The following DGKI variants were observed in gnomAD, a reference collection of about 807,000 sequenced individuals.
The protein encoded by DGKI is DAG kinase iota.
A neutral mutation model predicts 147.5 loss-of-function variants in DGKI; 55 were observed. The ratio of observed to expected loss-of-function variants is 0.37; its 90% CI spans 0.30 to 0.47. DGKI has a LOEUF of 0.47. Ranked by LOEUF, DGKI falls within the 20% of genes least tolerant of loss-of-function variation. The probability of loss-of-function intolerance (pLI) is 1.00; values close to 1 mark genes in which losing one functional copy is unlikely to be tolerated. For missense variants in DGKI, 1,007 were observed against 1,323.8 expected, an observed-to-expected ratio of 0.76 and a Z score of 3.71; for synonymous variants, 469 against 477.1, an observed-to-expected ratio of 0.98 and a Z score of 0.22.
At chr7:137,615,521 A>ATATG (rs752991647) in intron 8 of DGKI, among the ~76,000 whole-genome samples, 2 of 144,374 alleles carry the variant, frequency 1.4e-5, no homozygotes, top group African/African-American at 2.7e-5. Flanking sequence ...ATATATGTGT[A>ATATG]TATGTATGTA....
Position 137,604,865 on chromosome 7 carries a change from A to G in DGKI, c.1167+4101T>C, listed in dbSNP as rs370455178. ...AGATGCTAATGAGTCCAGGACCTCA[A>G]AGAAAAATCTAAGTTTTGACATTAA... On this transcript the variant is annotated intron_variant, in intron 10 of 32. Transcript: ENST00000614521. 1.8e-4 allele frequency among the ~76,000 whole-genome samples: 28 copies of G among 152,334 alleles called. 1 individual carries two copies. The South Asian group carries it at 5.0e-3, about 27-fold the overall frequency.
At chr7:137,621,425 T>C (rs1056018429) in intron 7 of DGKI, among the ~76,000 whole-genome samples, 1 of 152,298 alleles carries the variant, frequency 6.6e-6, no homozygotes, top group South Asian at 2.1e-4. Flanking sequence ...TGCACAGTTT[T>C]TAAATGATGG....
intron 1 of DGKI, among the ~76,000 whole-genome samples, chr7:137,726,676 C>T (rs1794728024): frequency 6.6e-6 from 1 of 152,206 alleles, no homozygotes; most frequent in South Asian, 2.1e-4. Flanking sequence ...AAATCACAAA[C>T]AACCCTGGTT....
intron 12 of DGKI, among the ~76,000 whole-genome samples, chr7:137,596,707 TG>T (rs1183990192): frequency 2.0e-5 from 3 of 152,178 alleles, no homozygotes; most frequent in African/African-American, 7.2e-5. Context: ...AACTGAACAT[TG>T]TTTTTACTCT....
intron 7 of DGKI, 84 bp from the exon 8 acceptor site, chr7:137,620,024 C>CAT: frequency 1.5e-6 from 1 of 652,922 alleles, no homozygotes. Flanking sequence ...CACACGCACA[C>CAT]ACACACACAC....
chr7:137,413,162 G>A (rs1314537975), intron 28 of DGKI, among the ~76,000 whole-genome samples: 1 of 151,854 alleles, frequency 6.6e-6, no homozygotes, highest in African/African-American at 2.4e-5. Flanking sequence ...AGCTACTCGG[G>A]AGGCTGAGGC....
chr7:137,627,468 T>C (rs1469241639), intron 6 of DGKI, among the ~76,000 whole-genome samples: 2 of 152,222 alleles, frequency 1.3e-5, no homozygotes, highest in African/African-American at 4.8e-5. Context: ...TGTCATGATC[T>C]AATTACAAAC....
At chr7:137,712,278 G>C (rs759128630) in intron 1 of DGKI, among the ~76,000 whole-genome samples, 20 of 151,742 alleles carry the variant, frequency 1.3e-4, no homozygotes, top group Non-Finnish European at 2.1e-4. Flanking sequence ...ATATTTGTTG[G>C]GTTATTACCC....
At chr7:137,689,757 T>G in intron 2 of DGKI, 137 bp downstream of exon 2, 1 of 495,674 alleles carries the variant, frequency 2.0e-6, no homozygotes, top group Non-Finnish European at 3.4e-6. Context: ...GAGCTACAGC[T>G]AAGGTATCTG....
intron 21 of DGKI, chr7:137,513,898 A>G: frequency 1.4e-6 from 1 of 712,384 alleles, no homozygotes; most frequent in South Asian, 1.5e-5. Context: ...GCGCAGGCTG[A>G]AGCGCAAAAG....
chr7:137,396,129 G>A (rs1397814569), intron 31 of DGKI, among the ~76,000 whole-genome samples: 2 of 152,230 alleles, frequency 1.3e-5, no homozygotes, highest in African/African-American at 4.8e-5. Flanking sequence ...GGCACAGCAC[G>A]CAGCCCTTGG....
chr7:137,606,312 T>TA (rs554278450), intron 10 of DGKI, among the ~76,000 whole-genome samples: 22 of 149,224 alleles, frequency 1.5e-4, no homozygotes, highest in African/African-American at 3.0e-4. Flanking sequence ...AAAAATTTTT[T>TA]AAAAAAAAAG....
At chr7:137,413,434 C>T (rs987483059) in intron 28 of DGKI, among the ~76,000 whole-genome samples, 2 of 152,118 alleles carry the variant, frequency 1.3e-5, no homozygotes, top group Non-Finnish European at 2.9e-5. Flanking sequence ...CTTTGTCCCC[C>T]TCCCTGTCTC....
intron 8 of DGKI, among the ~76,000 whole-genome samples, chr7:137,618,152 T>TATGTATATA (rs1554442534): frequency 0.15 from 2,092 of 14,366 alleles, 261 homozygotes; most frequent in African/African-American, 0.26. Context: ...TATATATATA[T>TATGTATATA]TTTTTTTTTT....
chr7:137,507,244 TAG>T (rs1434436435), intron 21 of DGKI, among the ~76,000 whole-genome samples: 8 of 152,230 alleles, frequency 5.3e-5, no homozygotes, highest in Admixed American at 2.0e-4. Context: ...AAAGTAATTA[TAG>T]AGTTTGGATT....
Position 137,415,042 on chromosome 7 carries a change from A to G in DGKI, c.2762-2835T>C, listed in dbSNP as rs554545888. Among the ~76,000 whole-genome samples, 11 of 152,324 alleles carry G rather than the reference A, an allele frequency of 7.2e-5. No homozygotes were observed. The South Asian group carries it at 1.2e-3, about 17-fold the overall frequency. On this transcript the variant is annotated intron_variant, in intron 28 of 32. Transcript: ENST00000614521. Reference sequence around the variant, plus strand: ...ACATATGGACCTTCAGAAGGAGCCTACCAATAAGGGTAAAATTGGCATGTG... The same window carrying G: ...ACATATGGACCTTCAGAAGGAGCCTGCCAATAAGGGTAAAATTGGCATGTG...
chr7:137,624,536 T>A (rs1256300197), intron 6 of DGKI, among the ~76,000 whole-genome samples: 1 of 152,158 alleles, frequency 6.6e-6, no homozygotes, highest in East Asian at 1.9e-4. Context: ...TCAGCGCCCA[T>A]AATCCCTGCC....
intron 20 of DGKI, among the ~76,000 whole-genome samples, chr7:137,543,683 AC>A (rs1817774206): frequency 6.6e-6 from 1 of 151,836 alleles, no homozygotes; most frequent in African/African-American, 2.4e-5. Flanking sequence ...TTAGATAGCA[AC>A]CCCCTTCCCC....
intron 8 of DGKI, among the ~76,000 whole-genome samples, chr7:137,615,942 T>C (rs898255546): frequency 2.6e-5 from 4 of 152,172 alleles, no homozygotes; most frequent in Non-Finnish European, 5.9e-5. Flanking sequence ...CAGAAAGCTC[T>C]TAACCACTGC....
Sources: allele counts gnomAD v4.1 joint callset (sites outside exome capture counted in the v4.1 genomes callset), GRCh38; gene constraint gnomAD v4.1.1; transcripts MANE v1.5; gene names NCBI Gene and HGNC (gene_info 2026-07-23, HGNC 2026-07-21).